Variants in STXBP5 observed in about 807,000 individuals in gnomAD.
The protein encoded by STXBP5 is syntaxin-binding protein 5.
A neutral mutation model predicts 152.4 loss-of-function variants in STXBP5; 50 were observed. The observed-to-expected ratio is 0.33, with a 90% confidence interval of 0.26 to 0.42. STXBP5 has a LOEUF of 0.42. Among genes scored for constraint, STXBP5 ranks in the 10% least tolerant of loss-of-function variants. STXBP5 has a pLI of 1.00. For synonymous variants in STXBP5, 492 were observed against 494.7 expected, an observed-to-expected ratio of 0.99 and a Z score of 0.07; for missense variants, 1,167 against 1,388.6, an observed-to-expected ratio of 0.84 and a Z score of 2.54.
intron 27 of STXBP5, among the ~76,000 whole-genome samples, chr6:147,383,423 C>T (rs1786189943): frequency 6.6e-6 from 1 of 152,010 alleles, no homozygotes; most frequent in Admixed American, 6.6e-5. Context: ...ATAAACAATA[C>T]TAAGTCCGCG....
At chr6:147,382,284 G>A (rs997525355) in intron 26 of STXBP5, among the ~76,000 whole-genome samples, 10 of 152,188 alleles carry the variant, frequency 6.6e-5, no homozygotes, top group East Asian at 1.9e-4. Context: ...TTTGGAGACC[G>A]AAATAGACTA....
At chr6:147,325,201 A>G (rs1783186250) in intron 17 of STXBP5, 117 bp downstream of exon 17, 1 of 1,062,848 alleles carries the variant, frequency 9.4e-7, no homozygotes, top group Non-Finnish European at 1.2e-6. Context: ...GCATTCTACA[A>G]TTTTGATTTC....
Position 147,359,214 on chromosome 6 carries a change from C to T in STXBP5, c.2436C>T (p.Ser812=), listed in dbSNP as rs776014934. ...CTCGAAAGACGGACTCGTCCCCTTC[C>T]CCTTGTCTATGGGTTGGAACAACGC... ...TFTRKTDSSP[S]PCLWVGTTLG... is the part of the protein sequence containing the mutation. Residue 812 remains serine, a synonymous_variant, in exon 23 of 28, where the codon TCC becomes TCT. Transcript: ENST00000321680. The T allele has an allele frequency of 6.2e-7, 1 of 1,614,066 alleles. No homozygotes were observed. Among genetic ancestry groups the T allele is most frequent in the Non-Finnish European group, 8.5e-7 (1 of 1,179,954 alleles).
chr6:147,337,214 C>CACACACAA (rs150169446), intron 19 of STXBP5, among the ~76,000 whole-genome samples: 37 of 147,388 alleles, frequency 2.5e-4, no homozygotes, highest in Non-Finnish European at 3.9e-4. Context: ...CACACACACA[C>CACACACAA]AAGAAGTCAT....
At position 147,304,372 on chromosome 6, in the gene STXBP5, C is replaced by A. The variant is rs866157681; in HGVS notation, c.918-5712C>A. On this transcript the variant is annotated intron_variant, in intron 9 of 27. Coordinates refer to ENST00000321680, the MANE Select transcript of STXBP5 (RefSeq NM_001127715.4). ...GTTGGGTCTGCAAATACTCAAAAGTCGAGAATTGAGGTTTGGGAACCTCCA... is the reference window on the plus strand; with the variant it reads ...GTTGGGTCTGCAAATACTCAAAAGTAGAGAATTGAGGTTTGGGAACCTCCA... Among the ~76,000 whole-genome samples, 4 of 152,232 alleles carry A rather than the reference C, an allele frequency of 2.6e-5. No homozygotes were observed. The South Asian group carries it at 6.2e-4, about 24-fold the overall frequency.
intron 21 of STXBP5, among the ~76,000 whole-genome samples, chr6:147,353,035 T>C (rs1036444941): frequency 1.3e-5 from 2 of 151,992 alleles, no homozygotes; most frequent in Non-Finnish European, 2.9e-5. Flanking sequence ...TTCCAGCTAC[T>C]TGGGAGGCTG....
chr6:147,216,628 G>A (rs1777182199), intron 2 of STXBP5, among the ~76,000 whole-genome samples: 1 of 152,078 alleles, frequency 6.6e-6, no homozygotes, highest in East Asian at 1.9e-4. Context: ...TTTAGTAAAT[G>A]AGGCTAATTT....
intron 2 of STXBP5, among the ~76,000 whole-genome samples, chr6:147,219,215 A>G (rs756487527): frequency 3.3e-5 from 5 of 152,142 alleles, no homozygotes; most frequent in Non-Finnish European, 2.9e-5. Flanking sequence ...TTTTAGAAAA[A>G]TGTTTTCTAA....
intron 18 of STXBP5, 126 bp from the exon 19 acceptor site, chr6:147,334,031 A>T: frequency 1.2e-6 from 1 of 843,546 alleles, no homozygotes; most frequent in Non-Finnish European, 1.8e-6. Context: ...TGGTATCAGT[A>T]CCACAGTCTG....
At chr6:147,234,563 T>C (rs1778174644) in intron 2 of STXBP5, among the ~76,000 whole-genome samples, 2 of 151,984 alleles carry the variant, frequency 1.3e-5, no homozygotes, top group Non-Finnish European at 2.9e-5. Context: ...TCGTGAGTTA[T>C]GAGGATTAAA....
intron 9 of STXBP5, among the ~76,000 whole-genome samples, chr6:147,302,746 C>T (rs1284970897): frequency 6.6e-6 from 1 of 152,046 alleles, no homozygotes; most frequent in African/African-American, 2.4e-5. Context: ...ACCCAGGAGG[C>T]GGAGGTTACA....
chr6:147,248,826 C>G (rs777627659), intron 4 of STXBP5, among the ~76,000 whole-genome samples: 2 of 151,968 alleles, frequency 1.3e-5, no homozygotes, highest in Non-Finnish European at 2.9e-5. Context: ...CGAAGATGAT[C>G]CTCAGTAGGC....
chr6:147,368,228 A>C (rs532939634), intron 25 of STXBP5, among the ~76,000 whole-genome samples: 1 of 151,246 alleles, frequency 6.6e-6, no homozygotes, highest in South Asian at 2.1e-4. Context: ...ATAAACCAAT[A>C]TCTCTCATAA....
Position 147,337,192 on chromosome 6 carries a change from G to GACACACACACACAC in STXBP5, c.2147-1977_2147-1964dup, listed in dbSNP as rs61074711. Among the ~76,000 whole-genome samples the GACACACACACACAC allele has an allele frequency of 5.6e-3, 303 of 53,944 alleles. 2 individuals carry two copies. The highest frequency in any genetic ancestry group is 0.013 in the African/African-American group (259 of 20,416). 35.4% of individuals were successfully genotyped at this position (53,944 alleles called of 152,430 possible). ...AGATATATATATATACACATACATA[G>GACACACACACACAC]ACACACACACACACACACACACAAG... On this transcript the variant is annotated intron_variant, in intron 19 of 27. Coordinates refer to ENST00000321680, the MANE Select transcript of STXBP5 (RefSeq NM_001127715.4).
intron 9 of STXBP5, among the ~76,000 whole-genome samples, chr6:147,303,295 T>G (rs1174743569): frequency 6.6e-6 from 1 of 152,114 alleles, no homozygotes; most frequent in Non-Finnish European, 1.5e-5. Context: ...ATTCTCATGA[T>G]AGAGAGTAAG....
At position 147,327,021 on chromosome 6, in the gene STXBP5, T is replaced by C. The variant is rs953383648; in HGVS notation, c.1929-104T>C. The C allele has an allele frequency of 6.7e-6, 7 of 1,041,038 alleles. No individual in the cohort carries two copies. The African/African-American group carries it at 1.1e-4, about 17-fold the overall frequency. 64.5% of individuals were successfully genotyped at this position (1,041,038 alleles called of 1,614,324 possible). A position where few individuals can be genotyped will look rare whatever the true frequency, so the allele number is the denominator to read the frequency against. ...AGTTGTCTTTTGTTTCAAAGAATTTTCTGAAAGACCCACCATGCTTCTTTC... is the reference window on the plus strand; with the variant it reads ...AGTTGTCTTTTGTTTCAAAGAATTTCCTGAAAGACCCACCATGCTTCTTTC... On this transcript the variant is annotated intron_variant, in intron 17 of 27. Coordinates refer to ENST00000321680, the MANE Select transcript of STXBP5 (RefSeq NM_001127715.4).
intron 4 of STXBP5, among the ~76,000 whole-genome samples, chr6:147,257,542 A>G (rs955729265): frequency 7.9e-5 from 12 of 151,992 alleles, no homozygotes; most frequent in Admixed American, 7.2e-4. Context: ...AATATGAGTC[A>G]TTGTTATTTA....
intron 9 of STXBP5, among the ~76,000 whole-genome samples, chr6:147,299,505 G>A (rs1249038812): frequency 2.0e-5 from 3 of 151,770 alleles, no homozygotes; most frequent in African/African-American, 4.8e-5. Flanking sequence ...CTCATTATAC[G>A]AAACCAGCAT....
At chr6:147,271,175 T>C (rs1780146598) in intron 7 of STXBP5, among the ~76,000 whole-genome samples, 2 of 152,132 alleles carry the variant, frequency 1.3e-5, no homozygotes, top group Non-Finnish European at 2.9e-5. Flanking sequence ...AATTATCATA[T>C]TGGATAAAAG....
Sources: allele counts gnomAD v4.1 joint callset (sites outside exome capture counted in the v4.1 genomes callset), GRCh38; gene constraint gnomAD v4.1.1; transcripts MANE v1.5; gene names NCBI Gene and HGNC (gene_info 2026-07-23, HGNC 2026-07-21).